GRM6: variants seen among roughly 807,000 people sequenced by gnomAD.
The protein encoded by GRM6 is glutamate metabotropic receptor 6, also known as metabotropic glutamate receptor 6.
Under a neutral mutation model 78.4 loss-of-function variants are expected in GRM6, and 73 were observed. The ratio of observed to expected loss-of-function variants is 0.93; its 90% CI spans 0.77 to 1.13. GRM6 has a LOEUF of 1.13. GRM6 is among the 50% of genes most tolerant of loss of function. The pLI is 0.00. For synonymous variants in GRM6, 580 were observed against 555.0 expected, an observed-to-expected ratio of 1.05 and a Z score of -0.63; for missense variants, 1,251 against 1,256.4, an observed-to-expected ratio of 1.00 and a Z score of 0.07.
chr5:178,988,878 C>G lies in GRM6; in HGVS notation c.1354+57G>C. 6.8e-7 allele frequency: 1 copy of G among 1,464,950 alleles called. No homozygotes were observed. The highest frequency in any genetic ancestry group is 9.5e-7 in the Non-Finnish European group (1 of 1,054,536). 90.7% of individuals were successfully genotyped at this position (1,464,950 alleles called of 1,614,324 possible). ...CCTGAGGTTGTCCCAGGCCTCACAG[C>G]AAAATCCAGCCCCCCAGCTGTCCTT... On this transcript the variant is annotated intron_variant, in intron 7 of 10. Transcript: ENST00000517717. The surrounding 1 kb of genome is among the most constrained non-coding windows in gnomAD (Gnocchi z 6.0).
At position 178,986,147 on chromosome 5, in the gene GRM6, T is replaced by G. The variant is rs1165558543; in HGVS notation, c.2107A>C (p.Ser703Arg). 1 of 1,613,506 alleles carries G rather than the reference T, an allele frequency of 6.2e-7. No individual in the cohort carries two copies. Among genetic ancestry groups the G allele is most frequent in the Non-Finnish European group, 8.5e-7 (1 of 1,179,786 alleles). The part of the protein sequence containing the change: ...SPTSQLVITF[S>R]LTSLQVVGMI... ...GGACCCACCTGCAGGGAGGTGAGGC[T>G]GAAGGTGATGACCAGCTGTGAGGTG... is the stretch of plus-strand genomic sequence containing the variant. The change falls in exon 9 of 11, where the codon AGC (serine) becomes CGC (arginine). Residue 703 changes from serine to arginine, a missense_variant. Ser to Arg is a moderately radical substitution (Grantham distance 110). Transcript: ENST00000517717.
At position 178,992,010 on chromosome 5, in the gene GRM6, A is replaced by C; in HGVS notation, c.578T>G (p.Val193Gly). 4.3e-6 allele frequency: 7 copies of C among 1,614,026 alleles called. No individual in the cohort carries two copies. The highest frequency in any genetic ancestry group is 5.1e-6 in the Non-Finnish European group (6 of 1,179,982). Residue 193 changes from valine (V) to glycine (G), a missense_variant, in exon 3 of 11, where the codon GTG becomes GGG. Transcript: ENST00000517717. This position sits in a 1 kb window ranked among gnomAD's most constrained non-coding sequence, Gnocchi z 4.9. Reference protein sequence around the residue: ...DSTRYDFFSRVVPPDSYQAQA... With the variant: ...DSTRYDFFSRGVPPDSYQAQA... ...CGCCTGGTAGGAGTCGGGTGGCACCACCCGGGAGAAGAAGTCATAGCGTGT... is the reference window on the plus strand; with the variant it reads ...CGCCTGGTAGGAGTCGGGTGGCACCCCCCGGGAGAAGAAGTCATAGCGTGT...
rs758234617 is a variant in GRM6, at chr5:178,990,753, G to C, written c.858-7C>G. 7 of 1,560,074 alleles carry C rather than the reference G, an allele frequency of 4.5e-6. No individual in the cohort carries two copies. The highest frequency in any genetic ancestry group is 3.5e-6 in the Non-Finnish European group (4 of 1,152,774). On this transcript the variant is annotated splice_polypyrimidine_tract_variant and splice_region_variant and intron_variant, in intron 4 of 10. Coordinates refer to ENST00000517717, the MANE Select transcript of GRM6 (RefSeq NM_000843.4). ...AGCTGCCTCCAGGACCCGCCTGGTAGGAGCAGGGCTGGGGTGAGGGAGGGC... is the reference window on the plus strand; with the variant it reads ...AGCTGCCTCCAGGACCCGCCTGGTACGAGCAGGGCTGGGGTGAGGGAGGGC...
In GRM6 at chr5:178,986,614, C is replaced by G. The variant is rs776575798; in HGVS notation, c.1640G>C (p.Arg547Pro). 2 of 1,603,494 alleles carry G rather than the reference C, an allele frequency of 1.2e-6. No individual in the cohort carries two copies. Among genetic ancestry groups the G allele is most frequent in the African/African-American group, 2.7e-5 (2 of 74,936 alleles). ...CWHCEACDGYRFQVDEFTCEA... is the reference protein window; with the variant it reads ...CWHCEACDGYPFQVDEFTCEA... ...GCATGTGAACTCGTCCACCTGGAAG[C>G]GGTACCCGTCACAGGCCTCGCAGTG... The change falls in exon 9 of 11, where the codon CGC (arginine) becomes CCC (proline). Residue 547 changes from arginine (R) to proline (P), a missense_variant. Physicochemically the swap from Arg to Pro is moderately radical, Grantham distance 103. Transcript: ENST00000517717.
intron 9 of GRM6, chr5:178,985,718 A>C (rs865988438): frequency 7.1e-6 from 3 of 420,936 alleles, no homozygotes; most frequent in African/African-American, 2.1e-5. Context: ...AAAAAAACAA[A>C]ACAACACAGG....
At position 178,991,765 on chromosome 5, in the gene GRM6, C is replaced by A; in HGVS notation, c.721+102G>T. 8.4e-7 allele frequency: 1 copy of A among 1,193,046 alleles called. No individual in the cohort carries two copies. Among genetic ancestry groups the A allele is most frequent in the Non-Finnish European group, 1.2e-6 (1 of 813,542 alleles). 73.9% of individuals were successfully genotyped at this position (1,193,046 alleles called of 1,614,324 possible). ...GGAGCACCAGCCAGGCAACCTCGGCCCAGCATGGACCTGGGCCCCCCATCT... is the reference window on the plus strand; with the variant it reads ...GGAGCACCAGCCAGGCAACCTCGGCACAGCATGGACCTGGGCCCCCCATCT... On this transcript the variant is annotated intron_variant, in intron 3 of 10. Coordinates refer to ENST00000517717, the MANE Select transcript of GRM6 (RefSeq NM_000843.4). This position sits in a 1 kb window ranked among gnomAD's most constrained non-coding sequence, Gnocchi z 5.0.
In GRM6 at chr5:178,979,646, T is replaced by C. The variant is rs1403047824; in HGVS notation, c.*2011A>G. 1.3e-5 allele frequency: 2 copies of C among 152,210 alleles called. No individual in the cohort carries two copies. Among genetic ancestry groups the C allele is most frequent in the Non-Finnish European group, 2.9e-5 (2 of 68,046 alleles). 9.4% of individuals were successfully genotyped at this position (152,210 alleles called of 1,614,324 possible). A position where few individuals can be genotyped will look rare whatever the true frequency, so the allele number is the denominator to read the frequency against. On this transcript the variant is annotated 3_prime_UTR_variant, in exon 11 of 11. Coordinates refer to ENST00000517717, the MANE Select transcript of GRM6 (RefSeq NM_000843.4). The stretch of plus-strand genomic sequence containing the variant: ...GCAATCAGTGTAGAAATGCCTCTAC[T>C]AAGAACTGCTTCTGATTCTGAATCA...
chr5:178,985,070 G>A (rs574661597), intron 9 of GRM6, among the ~76,000 whole-genome samples: 23 of 152,236 alleles, frequency 1.5e-4, no homozygotes, highest in East Asian at 1.4e-3. Flanking sequence ...AGCACGAAAC[G>A]CTGGCCACTG....
intron 9 of GRM6, chr5:178,985,717 A>AAAAAC (rs773602113): frequency 4.7e-4 from 199 of 419,088 alleles, no homozygotes; most frequent in South Asian, 2.0e-3. Flanking sequence ...AAAAAAAACA[A>AAAAAC]AACAACACAG....
At chr5:178,987,174 A>C in intron 7 of GRM6, 191 bp from the exon 8 acceptor site, 1 of 706,436 alleles carries the variant, frequency 1.4e-6, no homozygotes, top group Non-Finnish European at 2.5e-6. Flanking sequence ...GAACCAGAAA[A>C]TAACGAGTGT....
At chr5:178,985,474 TG>T (rs1191360610) in intron 9 of GRM6, among the ~76,000 whole-genome samples, 3 of 150,106 alleles carry the variant, frequency 2.0e-5, no homozygotes, top group Admixed American at 1.3e-4. Flanking sequence ...GAGGCCGAGG[TG>T]GGCGGATCAC....
At position 178,979,388 on chromosome 5, in the gene GRM6, GACA is replaced by G. The variant is rs1760344516; in HGVS notation, c.*2266_*2268del. The G allele has an allele frequency of 1.3e-5, 2 of 152,204 alleles. No homozygotes were observed. The highest frequency in any genetic ancestry group is 4.8e-5 in the African/African-American group (2 of 41,454). 9.4% of individuals were successfully genotyped at this position (152,204 alleles called of 1,614,324 possible). A position where few individuals can be genotyped will look rare whatever the true frequency, so the allele number is the denominator to read the frequency against. Reference sequence around the variant, plus strand: ...GAAACCTTGTGAAGGTACTAAATATGACAACATCTTCAGTAACAGAGGATGTCC... The same window carrying G: ...GAAACCTTGTGAAGGTACTAAATATGACATCTTCAGTAACAGAGGATGTCC... On this transcript the variant is annotated 3_prime_UTR_variant, in exon 11 of 11. Coordinates refer to ENST00000517717, the MANE Select transcript of GRM6 (RefSeq NM_000843.4).
At chr5:178,990,464 T>C (rs2113339973) in intron 5 of GRM6, 128 bp downstream of exon 5, 3 of 829,402 alleles carry the variant, frequency 3.6e-6, no homozygotes, top group East Asian at 5.2e-5. Context: ...ATCGGACTCA[T>C]AGGATCTGGG....
intron 9 of GRM6, chr5:178,985,695 T>TC (rs1760520928): frequency 8.1e-6 from 3 of 371,296 alleles, no homozygotes; most frequent in Non-Finnish European, 1.5e-5. Flanking sequence ...ACAGCGAGAC[T>TC]CTGTCTAAAA....
At chr5:178,993,154 G>T (rs1442202361) in intron 2 of GRM6, among the ~76,000 whole-genome samples, 1 of 152,202 alleles carries the variant, frequency 6.6e-6, no homozygotes, top group Non-Finnish European at 1.5e-5. Flanking sequence ...CTTGCCTGTG[G>T]CTGTGTTTTG....
At chr5:178,983,331 AG>A in intron 9 of GRM6, 110 bp from the exon 10 acceptor site, 1 of 935,204 alleles carries the variant, frequency 1.1e-6, no homozygotes, top group Non-Finnish European at 1.7e-6. Flanking sequence ...TGGCCTATGG[AG>A]GGGATGCTCC....
chr5:178,986,995 G>C lies in GRM6; in HGVS notation c.1355-12C>G, dbSNP rs1342667139. On this transcript the variant is annotated splice_polypyrimidine_tract_variant and intron_variant, in intron 7 of 10. Coordinates refer to ENST00000517717, the MANE Select transcript of GRM6 (RefSeq NM_000843.4). ...GGTTCCTGCGCTGCCTGGAGAGAGA[G>C]TCCGTCATCCTCGGTGGTCCTCCAG... The C allele has an allele frequency of 4.3e-6, 7 of 1,612,514 alleles. No individual in the cohort carries two copies. The East Asian group carries it at 1.6e-4, about 36-fold the overall frequency.
In GRM6 at chr5:178,990,037, C is replaced by T. The variant is rs1401953892; in HGVS notation, c.1012+555G>A. ...TAAAAGGCGTGATGGTATATATCCC[C>T]CTAAGGCTAAGAGGCCCTAGCAGCC... On this transcript the variant is annotated intron_variant, in intron 5 of 10. Coordinates refer to ENST00000517717, the MANE Select transcript of GRM6 (RefSeq NM_000843.4). 1.5e-5 allele frequency: 3 copies of T among 202,546 alleles called. No homozygotes were observed. In the East Asian group the frequency reaches 3.5e-4, roughly 24 times the overall value. 12.5% of individuals were successfully genotyped at this position (202,546 alleles called of 1,614,324 possible).
At chr5:178,990,849 A>T in intron 4 of GRM6, 103 bp from the exon 5 acceptor site, 1 of 965,490 alleles carries the variant, frequency 1.0e-6, no homozygotes, top group Non-Finnish European at 1.5e-6. Flanking sequence ...ATAATCACTC[A>T]CCAGATCCTT....
Sources: gnomAD v4.1 joint callset for allele counts (sites outside exome capture counted in the v4.1 genomes callset) on GRCh38, gnomAD v4.1.1 for gene constraint, Gnocchi (gnomAD v3.1) non-coding constraint, MANE v1.5 for transcripts, NCBI Gene and HGNC (gene_info 2026-07-23, HGNC 2026-07-21) for gene names.